The following ROBO2 variants were observed in gnomAD, a reference collection of about 807,000 sequenced individuals.
The protein encoded by ROBO2 is roundabout homolog 2.
In ROBO2, 53 loss-of-function variants were observed where a neutral mutation model predicts 160.8. That is an observed-to-expected ratio of 0.33 (90% CI 0.26 to 0.41). ROBO2 has a LOEUF of 0.41. Ranked by LOEUF, ROBO2 falls within the 10% of genes least tolerant of loss-of-function variation. ROBO2 has a pLI of 1.00. For synonymous variants in ROBO2, 664 were observed against 611.7 expected (o/e 1.09, Z -1.26); for missense variants, 1,577 against 1,722.4 (o/e 0.92, Z 1.49).
intron 2 of ROBO2, among the ~76,000 whole-genome samples, chr3:76,294,606 A>C (rs1009670073): frequency 7.2e-5 from 11 of 152,192 alleles, no homozygotes; most frequent in South Asian, 4.1e-4. Context: ...GCTGACTCTG[A>C]AATGTGACGG....
intron 2 of ROBO2, among the ~76,000 whole-genome samples, chr3:76,395,585 A>G (rs1170216180): frequency 9.9e-5 from 15 of 151,784 alleles, no homozygotes; most frequent in Non-Finnish European, 2.1e-4. Context: ...CAAGACTAAT[A>G]AAGAAAAAAA....
At chr3:77,333,552 T>C (rs1015108879) in intron 2 of ROBO2, among the ~76,000 whole-genome samples, 5 of 152,202 alleles carry the variant, frequency 3.3e-5, no homozygotes, top group African/African-American at 1.2e-4. Flanking sequence ...TTTGCTATTA[T>C]AATAAACAAT....
intron 2 of ROBO2, among the ~76,000 whole-genome samples, chr3:76,388,497 T>G (rs2077000018): frequency 6.6e-6 from 1 of 152,124 alleles, no homozygotes; most frequent in African/African-American, 2.4e-5. Context: ...GGTCTCCATC[T>G]CCTGACCTCG....
chr3:77,149,271 G>T (rs898794542), intron 2 of ROBO2, among the ~76,000 whole-genome samples: 1 of 151,926 alleles, frequency 6.6e-6, no homozygotes, highest in South Asian at 2.1e-4. Flanking sequence ...TCCTGACCTC[G>T]TGATTTGCTT....
intron 1 of ROBO2, among the ~76,000 whole-genome samples, chr3:77,075,281 G>A (rs1026149922): frequency 2.0e-5 from 3 of 152,132 alleles, no homozygotes; most frequent in Non-Finnish European, 2.9e-5. Flanking sequence ...TGTGTGGAGT[G>A]CTGTACAGAC....
intron 2 of ROBO2, among the ~76,000 whole-genome samples, chr3:76,259,648 C>T (rs1273039999): frequency 1.3e-5 from 2 of 152,050 alleles, no homozygotes; most frequent in Non-Finnish European, 2.9e-5. Flanking sequence ...AGATAATGTC[C>T]CTCTCTGAGA....
chr3:76,237,607 T>G (rs1356636559), intron 2 of ROBO2, among the ~76,000 whole-genome samples: 1 of 152,112 alleles, frequency 6.6e-6, no homozygotes, highest in African/African-American at 2.4e-5. Flanking sequence ...AATAAATAAA[T>G]AAATACCTAC....
chr3:76,219,455 C>T (rs1033585152), intron 2 of ROBO2, among the ~76,000 whole-genome samples: 10 of 152,126 alleles, frequency 6.6e-5, no homozygotes, highest in African/African-American at 2.4e-4. Context: ...CCAGAATCTA[C>T]AATGAACTCA....
intron 2 of ROBO2, among the ~76,000 whole-genome samples, chr3:76,168,705 G>A (rs1033331161): frequency 2.6e-5 from 4 of 151,946 alleles, no homozygotes; most frequent in Admixed American, 6.6e-5. Context: ...AACTAAAAAC[G>A]TAGTAGTATT....
intron 2 of ROBO2, among the ~76,000 whole-genome samples, chr3:76,827,423 G>C (rs900264124): frequency 6.6e-6 from 1 of 152,086 alleles, no homozygotes; most frequent in Non-Finnish European, 1.5e-5. Context: ...AACCCATGAA[G>C]TTTAAGATAA....
At chr3:77,130,926 A>C (rs114114588) in intron 2 of ROBO2, among the ~76,000 whole-genome samples, 2,076 of 152,280 alleles carry the variant, frequency 0.014, 47 homozygotes, top group African/African-American at 0.048. Context: ...ACGTTGTGCA[A>C]ACTTCTTTCG....
At chr3:76,565,124 G>A (rs73129168) in intron 2 of ROBO2, among the ~76,000 whole-genome samples, 4,211 of 152,144 alleles carry the variant, frequency 0.028, 78 homozygotes, top group South Asian at 0.05. Flanking sequence ...GCTCAAATGG[G>A]GGAAGGTAGC....
chr3:76,626,152 A>T (rs34142784), intron 2 of ROBO2, among the ~76,000 whole-genome samples: 91,722 of 152,052 alleles, frequency 0.6, 27,856 homozygotes, highest in East Asian at 0.73. Flanking sequence ...AACTGAAAGG[A>T]TGGGGTCACC....
At chr3:76,064,458 C>T (rs548454642) in intron 2 of ROBO2, among the ~76,000 whole-genome samples, 1 of 152,088 alleles carries the variant, frequency 6.6e-6, no homozygotes, top group African/African-American at 2.4e-5. Context: ...CTGGGCCAAG[C>T]TACTAGGTAG....
intron 2 of ROBO2, among the ~76,000 whole-genome samples, chr3:76,369,853 A>G (rs903142965): frequency 5.3e-5 from 8 of 151,922 alleles, no homozygotes; most frequent in African/African-American, 1.7e-4. Flanking sequence ...AAGTATTACA[A>G]CTGCCTCTTA....
chr3:75,990,590 G>A (rs892351685), intron 2 of ROBO2, among the ~76,000 whole-genome samples: 1 of 152,110 alleles, frequency 6.6e-6, no homozygotes, highest in African/African-American at 2.4e-5. Context: ...ACCTTTTGTA[G>A]TCCATTGCTA....
chr3:77,535,760 T>C lies in ROBO2; in HGVS notation c.935-10578T>C, dbSNP rs79236289. Reference sequence around the variant, plus strand: ...ATGGAATTTAAAAGTTCAGAACTTGTTTAATATTTTGACAGATTTTCCTAG... The same window carrying C: ...ATGGAATTTAAAAGTTCAGAACTTGCTTAATATTTTGACAGATTTTCCTAG... On this transcript the variant is annotated intron_variant, in intron 6 of 25. Coordinates refer to ENST00000461745, the Ensembl canonical transcript of ROBO2. 3.3e-3 allele frequency among the ~76,000 whole-genome samples: 501 copies of C among 152,238 alleles called. 19 individuals are homozygous for C. The highest frequency in any genetic ancestry group is 0.024 in the Admixed American group (368 of 15,288).
chr3:76,221,950 G>T (rs1703995847), intron 2 of ROBO2, among the ~76,000 whole-genome samples: 1 of 152,188 alleles, frequency 6.6e-6, no homozygotes. Context: ...AGTGGAAGCA[G>T]TCTAATGTAG....
chr3:76,553,287 A>C (rs2083521790), intron 2 of ROBO2, among the ~76,000 whole-genome samples: 1 of 152,206 alleles, frequency 6.6e-6, no homozygotes, highest in Non-Finnish European at 1.5e-5. Flanking sequence ...AGGAGCAGAC[A>C]GTGTGGCAGA....
Sources: gnomAD v4.1 joint callset for allele counts (sites outside exome capture counted in the v4.1 genomes callset) on GRCh38, gnomAD v4.1.1 for gene constraint, MANE v1.5 for transcripts, NCBI Gene and HGNC (gene_info 2026-07-23, HGNC 2026-07-21) for gene names.